The following INPP4B variants were observed in gnomAD, a reference collection of about 807,000 sequenced individuals.
INPP4B encodes inositol polyphosphate 4-phosphatase type II.
INPP4B carries 55 observed loss-of-function variants against 122.5 expected under a neutral mutation model. That is an observed-to-expected ratio of 0.45 (90% CI 0.36 to 0.56). The LOEUF (loss-of-function observed/expected upper bound fraction) is 0.56. Ranked by LOEUF, INPP4B falls within the 20% of genes least tolerant of loss-of-function variation. INPP4B has a pLI of 0.00. For synonymous variants in INPP4B, 403 were observed against 388.7 expected (o/e 1.04, Z -0.43); for missense variants, 1,000 against 1,097.7 (o/e 0.91, Z 1.26).
chr4:142,698,202 G>T (rs1761266627), intron 2 of INPP4B, among the ~76,000 whole-genome samples: 1 of 151,924 alleles, frequency 6.6e-6, no homozygotes, highest in Non-Finnish European at 1.5e-5. Flanking sequence ...TTAAGTTACA[G>T]ATCTTACAAG....
intron 10 of INPP4B, among the ~76,000 whole-genome samples, chr4:142,261,098 A>G (rs75440009): frequency 0.038 from 5,856 of 152,308 alleles, 365 homozygotes; most frequent in African/African-American, 0.13. Context: ...TCTGGAATCC[A>G]TAATGAATTG....
intron 2 of INPP4B, among the ~76,000 whole-genome samples, chr4:142,486,900 AG>A (rs1330595123): frequency 1.3e-5 from 2 of 152,188 alleles, no homozygotes; most frequent in African/African-American, 2.4e-5. Context: ...CACTATATAC[AG>A]GTCTCTTGTG....
chr4:142,845,107 A>G (rs943557091), intron 1 of INPP4B, among the ~76,000 whole-genome samples: 1 of 152,184 alleles, frequency 6.6e-6, no homozygotes, highest in Non-Finnish European at 1.5e-5. Context: ...TCCTTAAAAC[A>G]AGAGTAATAG....
chr4:142,094,757 G>C (rs189499708), intron 23 of INPP4B, among the ~76,000 whole-genome samples: 15 of 152,306 alleles, frequency 9.8e-5, no homozygotes, highest in Admixed American at 9.2e-4. Flanking sequence ...TTTTCCAATA[G>C]TCACAGTATG....
intron 2 of INPP4B, among the ~76,000 whole-genome samples, chr4:142,673,819 A>G (rs907575356): frequency 2.6e-5 from 4 of 152,156 alleles, no homozygotes; most frequent in African/African-American, 7.2e-5. Context: ...GAGACTACCC[A>G]TAATCCAGAA....
chr4:142,497,074 G>C (rs960757353), intron 2 of INPP4B: 1 of 152,046 alleles, frequency 6.6e-6, no homozygotes, highest in Non-Finnish European at 1.5e-5. Flanking sequence ...TAGGGGATTC[G>C]TTAGAGTTGT....
At chr4:142,098,652 G>A (rs1050482327) in intron 23 of INPP4B, among the ~76,000 whole-genome samples, 4 of 152,002 alleles carry the variant, frequency 2.6e-5, no homozygotes, top group Non-Finnish European at 4.4e-5. Flanking sequence ...TGAAAGAGGC[G>A]ACTCAAGGGT....
At chr4:142,443,319 C>T (rs898074044) in intron 3 of INPP4B, among the ~76,000 whole-genome samples, 8 of 152,032 alleles carry the variant, frequency 5.3e-5, no homozygotes, top group African/African-American at 1.9e-4. Context: ...GAAAGTGTCC[C>T]TTTGAGGTAC....
intron 7 of INPP4B, among the ~76,000 whole-genome samples, chr4:142,357,323 T>C (rs1025144562): frequency 2.0e-5 from 3 of 151,954 alleles, no homozygotes; most frequent in African/African-American, 7.2e-5. Context: ...CTGTGGGGTC[T>C]TTGCTAACGG....
At chr4:142,486,559 CT>C (rs1437141538) in intron 2 of INPP4B, among the ~76,000 whole-genome samples, 2 of 151,982 alleles carry the variant, frequency 1.3e-5, no homozygotes, top group Non-Finnish European at 1.5e-5. Context: ...TAATCTGTGG[CT>C]TGCCATTTAA....
At chr4:142,772,971 G>T (rs186802805) in intron 1 of INPP4B, among the ~76,000 whole-genome samples, 2 of 152,014 alleles carry the variant, frequency 1.3e-5, no homozygotes, top group African/African-American at 4.8e-5. Flanking sequence ...GCTTGAACCC[G>T]GGAGTCAGAG....
chr4:142,389,997 A>C (rs897225119), intron 7 of INPP4B, among the ~76,000 whole-genome samples: 1 of 152,208 alleles, frequency 6.6e-6, no homozygotes, highest in Non-Finnish European at 1.5e-5. Flanking sequence ...CACTGGCTAA[A>C]GTTAAAGGGG....
intron 5 of INPP4B, chr4:142,423,905 TGAG>T (rs1044874337): frequency 8.1e-6 from 3 of 372,070 alleles, no homozygotes; most frequent in African/African-American, 6.6e-5. Flanking sequence ...GAATCCTATT[TGAG>T]GAGAATACTG....
At chr4:142,277,801 C>T (rs1749316006) in intron 9 of INPP4B, among the ~76,000 whole-genome samples, 1 of 151,726 alleles carries the variant, frequency 6.6e-6, no homozygotes, top group South Asian at 2.1e-4. Flanking sequence ...AGTGAAGTAA[C>T]TCAGGAATGG....
chr4:142,643,454 G>A (rs1750996916), intron 2 of INPP4B, among the ~76,000 whole-genome samples: 1 of 152,092 alleles, frequency 6.6e-6, no homozygotes, highest in Non-Finnish European at 1.5e-5. Flanking sequence ...ATTTAAGGAG[G>A]GGAGCAATTC....
chr4:142,463,492 A>G (rs1817136158), intron 2 of INPP4B, among the ~76,000 whole-genome samples: 1 of 152,200 alleles, frequency 6.6e-6, no homozygotes, highest in Non-Finnish European at 1.5e-5. Context: ...ACTTTGCACC[A>G]TGAACCTTTC....
intron 14 of INPP4B, among the ~76,000 whole-genome samples, chr4:142,207,972 T>C (rs1397620303): frequency 6.6e-6 from 1 of 152,142 alleles, no homozygotes; most frequent in Non-Finnish European, 1.5e-5. Context: ...TACCTTACTA[T>C]ACTCACTTTT....
intron 11 of INPP4B, among the ~76,000 whole-genome samples, chr4:142,250,334 T>C (rs1034613058): frequency 2.0e-5 from 3 of 152,188 alleles, no homozygotes; most frequent in East Asian, 1.9e-4. Context: ...GAGATGTAAA[T>C]AGAATAGTGA....
At chr4:142,396,903 T>C (rs1484894802) in intron 7 of INPP4B, among the ~76,000 whole-genome samples, 1 of 151,954 alleles carries the variant, frequency 6.6e-6, no homozygotes, top group Admixed American at 6.6e-5. Flanking sequence ...AACAGATCTG[T>C]AGGAAAGTGT....
Sources: gnomAD v4.1 joint callset for allele counts (sites outside exome capture counted in the v4.1 genomes callset) on GRCh38, gnomAD v4.1.1 for gene constraint, MANE v1.5 for transcripts, NCBI Gene and HGNC (gene_info 2026-07-23, HGNC 2026-07-21) for gene names.